LAPTM4B: variants seen among roughly 807,000 people sequenced by gnomAD.
LAPTM4B encodes lysosomal protein transmembrane 4 beta, also known as lysosomal-associated transmembrane protein 4B.
Under a neutral mutation model 28.5 loss-of-function variants are expected in LAPTM4B, and 26 were observed. The ratio of observed to expected loss-of-function variants is 0.91; its 90% CI spans 0.67 to 1.27. The LOEUF (loss-of-function observed/expected upper bound fraction) is 1.27. Ranked by LOEUF, LAPTM4B falls within the 50% of genes most tolerant of loss-of-function variation. The probability of loss-of-function intolerance (pLI) is 0.00; values close to 1 mark genes in which losing one functional copy is unlikely to be tolerated. For synonymous variants in LAPTM4B, 109 were observed against 106.4 expected, an observed-to-expected ratio of 1.02 and a Z score of -0.15; for missense variants, 288 against 285.8, an observed-to-expected ratio of 1.01 and a Z score of -0.06.
intron 1 of LAPTM4B, among the ~76,000 whole-genome samples, chr8:97,779,186 G>A (rs549704418): frequency 1.3e-5 from 2 of 152,084 alleles, no homozygotes; most frequent in Admixed American, 6.5e-5. Flanking sequence ...AGTGAGCACT[G>A]TCTCTTAACA....
At chr8:97,795,529 GTAGA>G (rs1344308323) in intron 1 of LAPTM4B, among the ~76,000 whole-genome samples, 1 of 152,106 alleles carries the variant, frequency 6.6e-6, no homozygotes, top group Non-Finnish European at 1.5e-5. Context: ...ATGGTTTGCC[GTAGA>G]GTTTATATAT....
chr8:97,839,761 A>C (rs1025147236), intron 6 of LAPTM4B, among the ~76,000 whole-genome samples: 1 of 152,242 alleles, frequency 6.6e-6, no homozygotes, highest in African/African-American at 2.4e-5. Flanking sequence ...TAAAACACAC[A>C]CACAACTTAT....
chr8:97,782,639 T>C lies in LAPTM4B; in HGVS notation c.99+6531T>C, dbSNP rs1040063406. Among the ~76,000 whole-genome samples the C allele has an allele frequency of 5.5e-4, 84 of 152,038 alleles. 1 individual carries two copies. Among genetic ancestry groups the C allele is most frequent in the African/African-American group, 2.0e-3 (83 of 41,482 alleles). Reference sequence around the variant, plus strand: ...TTTTGGTAGAGACGGGGTTTCACCATGTTGGTCAGGCTTGTCTCGAACTCC... The same window carrying C: ...TTTTGGTAGAGACGGGGTTTCACCACGTTGGTCAGGCTTGTCTCGAACTCC... On this transcript the variant is annotated intron_variant, in intron 1 of 6. Coordinates refer to ENST00000521545, the MANE Select transcript of LAPTM4B (RefSeq NM_018407.6).
At chr8:97,791,831 G>A (rs886757327) in intron 1 of LAPTM4B, among the ~76,000 whole-genome samples, 3 of 152,162 alleles carry the variant, frequency 2.0e-5, no homozygotes, top group African/African-American at 7.2e-5. Context: ...GTCCTCATCT[G>A]TAGAATGGTG....
chr8:97,825,542 G>A (rs189746604), intron 6 of LAPTM4B, among the ~76,000 whole-genome samples: 1 of 152,212 alleles, frequency 6.6e-6, no homozygotes, highest in Admixed American at 6.5e-5. Context: ...ACCAAGATGC[G>A]ATGTTTACAG....
chr8:97,793,899 T>C (rs1369873124), intron 1 of LAPTM4B, among the ~76,000 whole-genome samples: 1 of 152,174 alleles, frequency 6.6e-6, no homozygotes, highest in Non-Finnish European at 1.5e-5. Context: ...CTTGAACTCA[T>C]GGGCTCAAGA....
Position 97,775,878 on chromosome 8 carries a change from C to T in LAPTM4B, c.-132C>T. ...TCGGGGTATCGAGGAGGCAGGCCCG[C>T]GGGCGCACGGGCGAGCGGGCCGGGA... On this transcript the variant is annotated 5_prime_UTR_variant, in exon 1 of 7. Transcript: ENST00000521545. 1 of 1,464,986 alleles carries T rather than the reference C, an allele frequency of 6.8e-7. No individual in the cohort carries two copies. The highest frequency in any genetic ancestry group is 9.0e-7 in the Non-Finnish European group (1 of 1,113,328). The allele number at this position is 1,464,986 out of a possible 1,614,324, so 90.7% of individuals were successfully genotyped here. A position where few individuals can be genotyped will look rare whatever the true frequency, so the allele number is the denominator to read the frequency against.
At chr8:97,800,820 A>C (rs1816665202) in intron 1 of LAPTM4B, among the ~76,000 whole-genome samples, 1 of 152,060 alleles carries the variant, frequency 6.6e-6, no homozygotes, top group Non-Finnish European at 1.5e-5. Context: ...TTACACTTAG[A>C]ATAAAATACA....
intron 4 of LAPTM4B, among the ~76,000 whole-genome samples, chr8:97,817,913 A>AC (rs1408356603): frequency 1.3e-5 from 2 of 151,688 alleles, no homozygotes; most frequent in African/African-American, 4.8e-5. Flanking sequence ...TTCTGGGCTC[A>AC]AGTGATCCTT....
At chr8:97,789,452 CT>C (rs1816463902) in intron 1 of LAPTM4B, among the ~76,000 whole-genome samples, 1 of 151,952 alleles carries the variant, frequency 6.6e-6, no homozygotes, top group East Asian at 1.9e-4. Flanking sequence ...CCTTGACATC[CT>C]AGGCTCAAAT....
intron 1 of LAPTM4B, among the ~76,000 whole-genome samples, chr8:97,780,132 A>G (rs1391060110): frequency 6.6e-6 from 1 of 151,878 alleles, no homozygotes; most frequent in Non-Finnish European, 1.5e-5. Context: ...AGATATTTAA[A>G]TAAGAGTCCA....
intron 6 of LAPTM4B, among the ~76,000 whole-genome samples, chr8:97,831,279 G>A (rs1160598033): frequency 6.6e-6 from 1 of 152,156 alleles, no homozygotes; most frequent in East Asian, 1.9e-4. Flanking sequence ...AGAAATGCCT[G>A]CAGTGGCTTT....
chr8:97,833,734 T>C (rs1302729631), intron 6 of LAPTM4B, among the ~76,000 whole-genome samples: 1 of 152,170 alleles, frequency 6.6e-6, no homozygotes, highest in Non-Finnish European at 1.5e-5. Flanking sequence ...TTTCTTCCAT[T>C]AGGAAGCAAA....
intron 1 of LAPTM4B, among the ~76,000 whole-genome samples, chr8:97,781,923 A>G (rs1423836741): frequency 6.6e-6 from 1 of 151,550 alleles, no homozygotes; most frequent in African/African-American, 2.4e-5. Flanking sequence ...GGTTATTTCC[A>G]ATTTGGGGCT....
At chr8:97,849,664 G>A (rs1037316271) in intron 6 of LAPTM4B, among the ~76,000 whole-genome samples, 10 of 152,188 alleles carry the variant, frequency 6.6e-5, no homozygotes, top group African/African-American at 2.4e-4. Context: ...GCCAGTTATC[G>A]GCTTCTTGCA....
chr8:97,782,594 A>G (rs940464502), intron 1 of LAPTM4B, among the ~76,000 whole-genome samples: 2 of 151,698 alleles, frequency 1.3e-5, no homozygotes, highest in Non-Finnish European at 1.5e-5. Context: ...ATGCGCCACC[A>G]TCCCTGGCTA....
rs557311487 is a variant in LAPTM4B, at chr8:97,804,822, A to C, written c.100-531A>C. ...CCTGGCCTGGCCTGGCCTGGCCTGGAAAGGGTTATTGCAGAAGGATGATCC... is the reference window on the plus strand; with the variant it reads ...CCTGGCCTGGCCTGGCCTGGCCTGGCAAGGGTTATTGCAGAAGGATGATCC... On this transcript the variant is annotated intron_variant, in intron 1 of 6. Coordinates refer to ENST00000521545, the MANE Select transcript of LAPTM4B (RefSeq NM_018407.6). Among the ~76,000 whole-genome samples, 8 of 147,128 alleles carry C rather than the reference A, an allele frequency of 5.4e-5. No homozygotes were observed. The South Asian group carries it at 6.4e-4, about 12-fold the overall frequency.
intron 6 of LAPTM4B, among the ~76,000 whole-genome samples, chr8:97,831,709 G>C (rs2129825562): frequency 6.6e-6 from 1 of 152,316 alleles, no homozygotes. Flanking sequence ...AAGAAGAATA[G>C]GTGGGAGTGA....
chr8:97,819,287 T>G, intron 5 of LAPTM4B, 49 bp downstream of exon 5: 1 of 1,132,760 alleles, frequency 8.8e-7, no homozygotes, highest in Non-Finnish European at 1.3e-6. Context: ...AGTGTATTCC[T>G]GAATACCAAA....
Sources: gnomAD v4.1 joint callset for allele counts (sites outside exome capture counted in the v4.1 genomes callset) on GRCh38, gnomAD v4.1.1 for gene constraint, MANE v1.5 for transcripts, NCBI Gene and HGNC (gene_info 2026-07-23, HGNC 2026-07-21) for gene names.